Variants in PCDHGA6 observed in about 807,000 individuals in gnomAD.
PCDHGA6 encodes the protein protocadherin gamma subfamily A, 6, also known as protocadherin gamma-A6.
A neutral mutation model predicts 60.6 loss-of-function variants in PCDHGA6; 41 were observed. The ratio of observed to expected loss-of-function variants is 0.68; its 90% confidence interval spans 0.53 to 0.88. The LOEUF is 0.88. Ranked by LOEUF, PCDHGA6 falls within the 40% of genes least tolerant of loss-of-function variation. The pLI is 0.00. For missense variants in PCDHGA6, 1,312 were observed against 1,203.0 expected, an observed-to-expected ratio of 1.09 and a Z score of -1.34; for synonymous variants, 594 against 524.4, an observed-to-expected ratio of 1.13 and a Z score of -1.81.
intron 1 of PCDHGA6, chr5:141,428,388 C>G (rs1299321513): frequency 4.0e-6 from 2 of 506,160 alleles, no homozygotes; most frequent in Non-Finnish European, 7.3e-6. Context: ...GCTCTTCCAG[C>G]CCCTCTGCCT....
chr5:141,427,193 CTT>C (rs2096998045), intron 1 of PCDHGA6: 3 of 456,614 alleles, frequency 6.6e-6, no homozygotes, highest in Non-Finnish European at 8.8e-6. Context: ...AATCCAAAGA[CTT>C]AATAGACTTC....
Position 141,417,741 on chromosome 5 carries a change from A to G in PCDHGA6, c.2424+41234A>G, listed in dbSNP as rs1035037382. ...CTGCGCAGACCTTGCCCAGCACACCAGATTGCCAGCTCCGAGACCCGGGAC... is the reference window on the plus strand; with the variant it reads ...CTGCGCAGACCTTGCCCAGCACACCGGATTGCCAGCTCCGAGACCCGGGAC... On this transcript the variant is annotated intron_variant, in intron 1 of 3. Coordinates refer to ENST00000517434, the MANE Select transcript of PCDHGA6 (RefSeq NM_018919.3). The G allele has an allele frequency of 1.7e-5, 24 of 1,413,756 alleles. No individual in the cohort carries two copies. The African/African-American group carries it at 1.7e-4, about 10-fold the overall frequency. The allele number at this position is 1,413,756 out of a possible 1,614,324, so 87.6% of individuals were successfully genotyped here.
In PCDHGA6 at chr5:141,375,116, C is replaced by G. The variant is rs754682469; in HGVS notation, c.1033C>G (p.Pro345Ala). Residue 345 changes from proline to alanine, a missense_variant, in exon 1 of 4, where the codon CCA becomes GCA. Physicochemically the swap from Pro to Ala is conservative, Grantham distance 27. Coordinates refer to ENST00000517434, the MANE Select transcript of PCDHGA6 (RefSeq NM_018919.3). ...ITILDVNDNV[P>A]EVVVTSGSRT... ...TATCTTGGATGTCAATGATAATGTA[C>G]CAGAAGTGGTTGTTACATCTGGAAG... 4 of 1,613,768 alleles carry G rather than the reference C, an allele frequency of 2.5e-6. No individual in the cohort carries two copies. The highest frequency in any genetic ancestry group is 3.4e-6 in the Non-Finnish European group (4 of 1,179,904).
Position 141,477,203 on chromosome 5 carries a change from G to T in PCDHGA6, c.2425-17604G>T. On this transcript the variant is annotated intron_variant, in intron 1 of 3. Coordinates refer to ENST00000517434, the MANE Select transcript of PCDHGA6 (RefSeq NM_018919.3). The surrounding 1 kb of genome is among the most constrained non-coding windows in gnomAD (Gnocchi z 4.9). ...CACCTCCGTGTACAGCCCAGTACCC[G>T]AGGATGCCCCTCTGGGGACTGTCAT... 1 of 1,614,176 alleles carries T rather than the reference G, an allele frequency of 6.2e-7. No individual in the cohort carries two copies. The highest frequency in any genetic ancestry group is 1.1e-5 in the South Asian group (1 of 91,082).
chr5:141,380,805 G>A (rs1776753449), intron 1 of PCDHGA6, among the ~76,000 whole-genome samples: 1 of 152,204 alleles, frequency 6.6e-6, no homozygotes, highest in Non-Finnish European at 1.5e-5. Context: ...AAACAAATGT[G>A]AGATGAAACT....
At chr5:141,444,774 AT>A (rs2098446962) in intron 1 of PCDHGA6, among the ~76,000 whole-genome samples, 1 of 152,018 alleles carries the variant, frequency 6.6e-6, no homozygotes, top group Non-Finnish European at 1.5e-5. Context: ...TATATTCTTG[AT>A]CATGTTTCAT....
intron 1 of PCDHGA6, chr5:141,408,054 C>G (rs1561710214): frequency 1.5e-6 from 2 of 1,295,924 alleles, no homozygotes; most frequent in East Asian, 2.6e-5. Flanking sequence ...CACAGAGCCT[C>G]CCGGCTGCGC....
chr5:141,498,565 G>C (rs2099784348), intron 2 of PCDHGA6, among the ~76,000 whole-genome samples: 1 of 152,044 alleles, frequency 6.6e-6, no homozygotes. Context: ...CTTCAAAGCA[G>C]GGCTAGTATT....
At chr5:141,435,446 G>A (rs889481920) in intron 1 of PCDHGA6, among the ~76,000 whole-genome samples, 12 of 152,060 alleles carry the variant, frequency 7.9e-5, no homozygotes, top group Admixed American at 6.6e-4. Context: ...TCATTAATAC[G>A]ATATCTGTAT....
chr5:141,392,915 T>A, intron 1 of PCDHGA6: 2 of 1,613,920 alleles, frequency 1.2e-6, no homozygotes, highest in Non-Finnish European at 1.7e-6. Flanking sequence ...TTCGCTACTC[T>A]GTGCCAGAAG....
chr5:141,470,969 A>C (rs62379203), intron 1 of PCDHGA6, among the ~76,000 whole-genome samples: 16,337 of 151,332 alleles, frequency 0.11, 895 homozygotes, highest in South Asian at 0.15. Flanking sequence ...CTCCCACCTC[A>C]GCCTCCCAAA....
chr5:141,487,802 C>G lies in PCDHGA6; in HGVS notation c.2425-7005C>G. On this transcript the variant is annotated intron_variant, in intron 1 of 3. Transcript: ENST00000517434. The surrounding 1 kb of genome is among the most constrained non-coding windows in gnomAD (Gnocchi z 5.0). ...TTTCGTGAATTAACCAGAGTTGTCACAGTTTAGCATTGGGGGCGGGTCATG... is the reference window on the plus strand; with the variant it reads ...TTTCGTGAATTAACCAGAGTTGTCAGAGTTTAGCATTGGGGGCGGGTCATG... 6.8e-7 allele frequency: 1 copy of G among 1,477,424 alleles called. No homozygotes were observed. The allele number at this position is 1,477,424 out of a possible 1,614,324, so 91.5% of individuals were successfully genotyped here.
At position 141,489,505 on chromosome 5, in the gene PCDHGA6, A is replaced by G. The variant is rs1198371307; in HGVS notation, c.2425-5302A>G. On this transcript the variant is annotated intron_variant, in intron 1 of 3. Transcript: ENST00000517434. The surrounding 1 kb of genome is among the most constrained non-coding windows in gnomAD (Gnocchi z 4.5). ...GAGTGGTGCCCTGGCAGTGAATCAA[A>G]AGATTGACCGAGAAAGCCTATGTGG... The G allele has an allele frequency of 1.9e-6, 3 of 1,613,972 alleles. No homozygotes were observed. The Admixed American group carries it at 5.0e-5, about 27-fold the overall frequency.
chr5:141,382,029 A>G (rs574099831), intron 1 of PCDHGA6, among the ~76,000 whole-genome samples: 1 of 151,502 alleles, frequency 6.6e-6, no homozygotes, highest in Non-Finnish European at 1.5e-5. Context: ...GGGTTTCTCC[A>G]TGTTGGTCAG....
rs369354938 is a variant in PCDHGA6, at chr5:141,404,125, T to C, written c.2424+27618T>C. 7.5e-4 allele frequency: 1,204 copies of C among 1,613,214 alleles called. 1 individual carries two copies. The highest frequency in any genetic ancestry group is 8.4e-4 in the Non-Finnish European group (986 of 1,179,494). On this transcript the variant is annotated intron_variant, in intron 1 of 3. Coordinates refer to ENST00000517434, the MANE Select transcript of PCDHGA6 (RefSeq NM_018919.3). Reference sequence around the variant, plus strand: ...TCTGTTCTATCCAGGAGAATCTATCTTTTACATTAGAAAATTCAGAAGAAG... The same window carrying C: ...TCTGTTCTATCCAGGAGAATCTATCCTTTACATTAGAAAATTCAGAAGAAG...
chr5:141,486,760 G>C lies in PCDHGA6; in HGVS notation c.2425-8047G>C. ...GATCCTTTGACTATGAGCAAACCCAGACACTGCAGTTTGAGGTGCAGGCCC... is the reference window on the plus strand; with the variant it reads ...GATCCTTTGACTATGAGCAAACCCACACACTGCAGTTTGAGGTGCAGGCCC... On this transcript the variant is annotated intron_variant, in intron 1 of 3. Transcript: ENST00000517434. This position sits in a 1 kb window ranked among gnomAD's most constrained non-coding sequence, Gnocchi z 5.0. 1.2e-6 allele frequency: 2 copies of C among 1,614,240 alleles called. No homozygotes were observed. The highest frequency in any genetic ancestry group is 2.2e-5 in the South Asian group (2 of 91,086).
At chr5:141,473,283 A>G (rs2099318531) in intron 1 of PCDHGA6, among the ~76,000 whole-genome samples, 1 of 152,324 alleles carries the variant, frequency 6.6e-6, no homozygotes, top group Non-Finnish European at 1.5e-5. Flanking sequence ...TTATTTTACT[A>G]TGTCAGTAGC....
chr5:141,463,438 CTTTTTTTT>C (rs71576115), intron 1 of PCDHGA6, among the ~76,000 whole-genome samples: 7 of 103,252 alleles, frequency 6.8e-5, no homozygotes, highest in East Asian at 2.4e-4. Flanking sequence ...TTTCCTTCTC[CTTTTTTTT>C]TTTTTTTTTT....
At position 141,489,494 on chromosome 5, in the gene PCDHGA6, C is replaced by A. The variant is rs1191408769; in HGVS notation, c.2425-5313C>A. ...CTGAGCTTGATGAGTGGTGCCCTGGCAGTGAATCAAAAGATTGACCGAGAA... is the reference window on the plus strand; with the variant it reads ...CTGAGCTTGATGAGTGGTGCCCTGGAAGTGAATCAAAAGATTGACCGAGAA... On this transcript the variant is annotated intron_variant, in intron 1 of 3. Coordinates refer to ENST00000517434, the MANE Select transcript of PCDHGA6 (RefSeq NM_018919.3). This position sits in a 1 kb window ranked among gnomAD's most constrained non-coding sequence, Gnocchi z 4.5. 1.1e-5 allele frequency: 18 copies of A among 1,613,932 alleles called. No individual in the cohort carries two copies. The highest frequency in any genetic ancestry group is 1.7e-5 in the Admixed American group (1 of 59,998).
Sources: gnomAD v4.1 joint callset for allele counts (sites outside exome capture counted in the v4.1 genomes callset) on GRCh38, gnomAD v4.1.1 for gene constraint, Gnocchi (gnomAD v3.1) non-coding constraint, MANE v1.5 for transcripts, NCBI Gene and HGNC (gene_info 2026-07-23, HGNC 2026-07-21) for gene names.